Variants in DGKG observed in about 807,000 individuals in gnomAD.
DGKG encodes diacylglycerol kinase gamma.
Under a neutral mutation model 105.3 loss-of-function variants are expected in DGKG, and 78 were observed. The observed-to-expected ratio is 0.74, with a 90% CI of 0.62 to 0.89. The LOEUF is 0.89. DGKG is among the 40% of genes least tolerant of loss of function. DGKG has a pLI of 0.00. For missense variants in DGKG, 958 were observed against 1,020.1 expected (o/e 0.94, Z 0.83); for synonymous variants, 346 against 367.1 (o/e 0.94, Z 0.66).
chr3:186,176,743 A>T (rs1717099204), intron 22 of DGKG, among the ~76,000 whole-genome samples: 1 of 152,196 alleles, frequency 6.6e-6, no homozygotes, highest in African/African-American at 2.4e-5. Context: ...GATGAATGTA[A>T]AATATTTCTG....
intron 20 of DGKG, among the ~76,000 whole-genome samples, chr3:186,240,646 C>A (rs1720638563): frequency 6.6e-6 from 1 of 151,912 alleles, no homozygotes; most frequent in African/African-American, 2.4e-5. Flanking sequence ...ACTGTCTCTA[C>A]TAAAAATACA....
At chr3:186,264,115 C>T (rs1345024034) in intron 14 of DGKG, among the ~76,000 whole-genome samples, 1 of 152,204 alleles carries the variant, frequency 6.6e-6, no homozygotes, top group Non-Finnish European at 1.5e-5. Context: ...AACCCGATGG[C>T]TGCCTGCCCT....
At chr3:186,302,280 G>C (rs1310253480) in intron 3 of DGKG, among the ~76,000 whole-genome samples, 1 of 151,638 alleles carries the variant, frequency 6.6e-6, no homozygotes, top group African/African-American at 2.4e-5. Flanking sequence ...GTTCTTCATA[G>C]GTATTTGAAT....
chr3:186,288,823 A>C lies in DGKG; in HGVS notation c.431T>G (p.Leu144Arg). The change falls in exon 6 of 25, where the codon CTG becomes CGG. Residue 144 changes from leucine (L) to arginine (R), a missense_variant. Physicochemically the swap from Leu to Arg is moderately radical, Grantham distance 102. This residue lies in a region of DGKG where 643 missense variants were observed against 619.5 expected (regional missense o/e 1.04). Transcript: ENST00000265022. The part of the protein sequence containing the change: ...PAEDQVAATP[L>R]EPPVPRSSSS... The stretch of plus-strand genomic sequence containing the variant: ...TGAAGACCGAGGGACGGGGGGTTCC[A>C]GGGGGGTCGCAGCCACTTGGTCTTC... 1 of 1,611,060 alleles carries C rather than the reference A, an allele frequency of 6.2e-7. No individual in the cohort carries two copies. Among genetic ancestry groups the C allele is most frequent in the Non-Finnish European group, 8.5e-7 (1 of 1,178,478 alleles).
intron 21 of DGKG, among the ~76,000 whole-genome samples, chr3:186,200,171 T>A (rs563724715): frequency 6.6e-6 from 1 of 152,170 alleles, no homozygotes; most frequent in African/African-American, 2.4e-5. Context: ...TTTAGCTCAG[T>A]GAAGATGAAA....
At chr3:186,338,460 T>C (rs560696528) in intron 1 of DGKG, among the ~76,000 whole-genome samples, 1 of 152,280 alleles carries the variant, frequency 6.6e-6, no homozygotes, top group East Asian at 1.9e-4. Context: ...GTGGAGTTTT[T>C]TGTGACTATT....
chr3:186,321,969 A>G (rs529949374), intron 1 of DGKG, among the ~76,000 whole-genome samples: 40 of 152,270 alleles, frequency 2.6e-4, no homozygotes, highest in African/African-American at 9.1e-4. Context: ...CAAGGTCATC[A>G]GTGACCTAGC....
intron 21 of DGKG, among the ~76,000 whole-genome samples, chr3:186,194,647 A>G (rs1718084969): frequency 6.6e-6 from 1 of 152,034 alleles, no homozygotes; most frequent in South Asian, 2.1e-4. Context: ...GCTCTCAGGA[A>G]TGACCTCCAC....
intron 1 of DGKG, among the ~76,000 whole-genome samples, chr3:186,340,725 A>G (rs1293432645): frequency 6.6e-6 from 1 of 152,218 alleles, no homozygotes; most frequent in Non-Finnish European, 1.5e-5. Flanking sequence ...AACTTTTTCA[A>G]TGAAGAAGTC....
chr3:186,254,211 T>C lies in DGKG; in HGVS notation c.1511-1029A>G, dbSNP rs150771685. On this transcript the variant is annotated intron_variant, in intron 17 of 24. Transcript: ENST00000265022. ...GCATGGTGCCCCTGGATGTGAGCAA[T>C]GTGATTGCGGCGTGAGGAGAGATGC... Among the ~76,000 whole-genome samples the C allele has an allele frequency of 1.5e-4, 23 of 152,184 alleles. No homozygotes were observed. The East Asian group carries it at 4.4e-3, about 29-fold the overall frequency.
intron 24 of DGKG, among the ~76,000 whole-genome samples, chr3:186,152,482 GA>G (rs1715808409): frequency 6.6e-6 from 1 of 151,950 alleles, no homozygotes; most frequent in South Asian, 2.1e-4. Context: ...CCATGCCCAT[GA>G]GGGGAAGGAC....
chr3:186,263,458 T>A (rs1272203887), intron 14 of DGKG, among the ~76,000 whole-genome samples: 1 of 151,770 alleles, frequency 6.6e-6, no homozygotes, highest in East Asian at 1.9e-4. Flanking sequence ...TCCCAGCTAC[T>A]TGGGAGGCTG....
intron 1 of DGKG, among the ~76,000 whole-genome samples, chr3:186,337,299 T>G (rs2108657032): frequency 6.6e-6 from 1 of 152,234 alleles, no homozygotes; most frequent in African/African-American, 2.4e-5. Flanking sequence ...GGGTCAATGT[T>G]ATAAAACCTA....
chr3:186,186,736 G>A (rs996277398), intron 22 of DGKG, among the ~76,000 whole-genome samples: 3 of 152,206 alleles, frequency 2.0e-5, no homozygotes, highest in Admixed American at 2.0e-4. Context: ...CAGCTCACCT[G>A]TCCATTGAGG....
intron 1 of DGKG, among the ~76,000 whole-genome samples, chr3:186,321,670 G>C (rs1238961288): frequency 1.3e-5 from 2 of 152,230 alleles, no homozygotes; most frequent in Non-Finnish European, 2.9e-5. Flanking sequence ...GAGCATATGA[G>C]CAGTGCTGGA....
intron 22 of DGKG, among the ~76,000 whole-genome samples, chr3:186,176,545 G>C (rs561613215): frequency 1.3e-5 from 2 of 152,290 alleles, no homozygotes; most frequent in East Asian, 3.9e-4. Context: ...TGGCCAGAAT[G>C]GGGGAGGTGT....
At chr3:186,336,252 G>C (rs562575816) in intron 1 of DGKG, among the ~76,000 whole-genome samples, 1 of 151,954 alleles carries the variant, frequency 6.6e-6, no homozygotes, top group South Asian at 2.1e-4. Context: ...GATCCCAAGC[G>C]TACTCCCTAA....
chr3:186,259,110 TCTCCGAC>T (rs1721623401), intron 16 of DGKG, among the ~76,000 whole-genome samples: 1 of 144,508 alleles, frequency 6.9e-6, no homozygotes, highest in African/African-American at 2.7e-5. Context: ...CCGACGGGAC[TCTCCGAC>T]GGGAAGTGAA....
intron 15 of DGKG, 58 bp from the exon 16 acceptor site, chr3:186,260,571 G>GT: frequency 7.4e-7 from 1 of 1,343,194 alleles, no homozygotes; most frequent in Non-Finnish European, 1.1e-6. Context: ...ATATGTCATC[G>GT]TGAGAAGTCA....
Sources: gnomAD v4.1 joint callset for allele counts (sites outside exome capture counted in the v4.1 genomes callset) on GRCh38, gnomAD v4.1.1 for gene constraint, gnomAD v4.1.1 regional missense constraint, MANE v1.5 for transcripts, NCBI Gene and HGNC (gene_info 2026-07-23, HGNC 2026-07-21) for gene names.